Variants in HIVEP3 observed in about 807,000 individuals in gnomAD.
HIVEP3 encodes the protein transcription factor HIVEP3.
Under a neutral mutation model 152.8 loss-of-function variants are expected in HIVEP3, and 49 were observed. That is an observed-to-expected ratio of 0.32 (90% CI 0.26 to 0.41). The LOEUF (loss-of-function observed/expected upper bound fraction) is 0.41. Ranked by LOEUF, HIVEP3 falls within the 10% of genes least tolerant of loss-of-function variation. The pLI is 1.00. For missense variants in HIVEP3, 2,790 were observed against 3,103.3 expected (o/e 0.90, Z 2.40); for synonymous variants, 1,269 against 1,289.0 (o/e 0.98, Z 0.33).
intron 1 of HIVEP3, among the ~76,000 whole-genome samples, chr1:41,915,998 C>T (rs1168740917): frequency 6.6e-6 from 1 of 152,172 alleles, no homozygotes; most frequent in Non-Finnish European, 1.5e-5. Context: ...GCCTTAAAGA[C>T]ATTAGGGAAT....
chr1:41,560,809 T>C (rs1017163113), intron 5 of HIVEP3, among the ~76,000 whole-genome samples: 12 of 152,280 alleles, frequency 7.9e-5, no homozygotes, highest in Admixed American at 3.9e-4. Context: ...GGCATCTCCT[T>C]TGTGCTCCTC....
At chr1:41,694,020 T>C (rs1217611436) in intron 2 of HIVEP3, among the ~76,000 whole-genome samples, 3 of 152,266 alleles carry the variant, frequency 2.0e-5, no homozygotes, top group Non-Finnish European at 4.4e-5. Context: ...ACTGATTTTT[T>C]TTCTAGGCCA....
chr1:41,758,432 A>G (rs1647457890), intron 1 of HIVEP3, among the ~76,000 whole-genome samples: 1 of 152,252 alleles, frequency 6.6e-6, no homozygotes, highest in Non-Finnish European at 1.5e-5. Context: ...ACCAGGGCCT[A>G]TCTTATGCAC....
At chr1:41,526,291 CCTCACACACA>C (rs1469622715) in intron 5 of HIVEP3, among the ~76,000 whole-genome samples, 2 of 144,794 alleles carry the variant, frequency 1.4e-5, no homozygotes, top group Non-Finnish European at 1.5e-5. Flanking sequence ...ACACGCTCAC[CCTCACACACA>C]CTCACCCTCA....
chr1:41,658,908 T>C (rs1645670250), intron 2 of HIVEP3, among the ~76,000 whole-genome samples: 2 of 152,202 alleles, frequency 1.3e-5, no homozygotes. Context: ...TCGAATTCTA[T>C]AACGGTAGAG....
intron 2 of HIVEP3, among the ~76,000 whole-genome samples, chr1:41,678,500 T>A (rs1645990844): frequency 6.7e-6 from 1 of 149,930 alleles, no homozygotes; most frequent in Non-Finnish European, 1.5e-5. Flanking sequence ...AGCAGCCTTG[T>A]CCATTTCCTC....
intron 1 of HIVEP3, among the ~76,000 whole-genome samples, chr1:41,994,534 A>T (rs1196827724): frequency 6.6e-6 from 1 of 152,098 alleles, no homozygotes; most frequent in Non-Finnish European, 1.5e-5. Context: ...GTGATGGTTT[A>T]AAATTGTGTG....
chr1:41,629,518 C>T (rs1016851127), intron 2 of HIVEP3, among the ~76,000 whole-genome samples: 2 of 152,212 alleles, frequency 1.3e-5, no homozygotes, highest in African/African-American at 4.8e-5. Flanking sequence ...TGTCTACAAA[C>T]TGTGCATCCA....
chr1:41,585,752 G>A (rs780392689), intron 3 of HIVEP3, among the ~76,000 whole-genome samples: 5 of 152,148 alleles, frequency 3.3e-5, no homozygotes, highest in African/African-American at 9.7e-5. Flanking sequence ...ACTGTGCCTC[G>A]GAGCTGCAGT....
At chr1:41,568,060 C>G (rs369462525) in intron 5 of HIVEP3, among the ~76,000 whole-genome samples, 23 of 152,352 alleles carry the variant, frequency 1.5e-4, no homozygotes, top group African/African-American at 5.3e-4. Flanking sequence ...AATAGATATT[C>G]CCCAGCACTG....
rs146821415 is a variant in HIVEP3 at position 41,867,148 on chromosome 1, C to T, written c.-801+51265G>A. Among the ~76,000 whole-genome samples the T allele has an allele frequency of 1.2e-4, 19 of 152,248 alleles. No homozygotes were observed. In the East Asian group the frequency reaches 3.7e-3, roughly 29 times the overall value. Reference sequence around the variant, plus strand: ...GAGAGGGGACACTCCAGCAGGAACTCCAGGTAGAGAGCTGTTCTGCAGTGG... The same window carrying T: ...GAGAGGGGACACTCCAGCAGGAACTTCAGGTAGAGAGCTGTTCTGCAGTGG... On this transcript the variant is annotated intron_variant, in intron 1 of 8. Coordinates refer to ENST00000372583, the MANE Select transcript of HIVEP3 (RefSeq NM_024503.5).
rs549717825 is a variant in HIVEP3 at position 41,751,140 on chromosome 1, G to C, written c.-800-50145C>G. Among the ~76,000 whole-genome samples the C allele has an allele frequency of 4.2e-3, 638 of 152,204 alleles. 3 individuals are homozygous for C. Among genetic ancestry groups the C allele is most frequent in the Non-Finnish European group, 6.2e-3 (422 of 68,012 alleles). On this transcript the variant is annotated intron_variant, in intron 1 of 8. Coordinates refer to ENST00000372583, the MANE Select transcript of HIVEP3 (RefSeq NM_024503.5). The stretch of plus-strand genomic sequence containing the variant: ...AAGTCCCTGGTTTCTCTGGGGCTCA[G>C]CATCCTCACTTGTAAAGCAAGATCA...
chr1:41,589,297 A>C (rs1235905343), intron 3 of HIVEP3, among the ~76,000 whole-genome samples: 1 of 152,210 alleles, frequency 6.6e-6, no homozygotes, highest in Non-Finnish European at 1.5e-5. Context: ...TCGCTCAGAG[A>C]CCAGCTTATA....
rs142867132 is a variant in HIVEP3, at chr1:41,750,730, G to A, written c.-800-49735C>T. ...TTTTTTTTTTTTTGACACGCGTCTC[G>A]CTCTGTCGCCCAGGCTGGAGTGCAA... On this transcript the variant is annotated intron_variant, in intron 1 of 8. Coordinates refer to ENST00000372583, the MANE Select transcript of HIVEP3 (RefSeq NM_024503.5). Among the ~76,000 whole-genome samples, 674 of 145,232 alleles carry A rather than the reference G, an allele frequency of 4.6e-3. 6 individuals carry two copies. The highest frequency in any genetic ancestry group is 0.016 in the African/African-American group (619 of 39,594).
intron 2 of HIVEP3, among the ~76,000 whole-genome samples, chr1:41,644,668 T>C (rs936967163): frequency 6.6e-6 from 1 of 151,262 alleles, no homozygotes; most frequent in Non-Finnish European, 1.5e-5. Context: ...AACCCAGGGA[T>C]TTAAAGCACA....
chr1:41,939,196 T>C (rs1408970464), intron 1 of HIVEP3, among the ~76,000 whole-genome samples: 1 of 152,230 alleles, frequency 6.6e-6, no homozygotes, highest in Non-Finnish European at 1.5e-5. Context: ...TATTTTATAA[T>C]GGAAAGTTGA....
rs1643837802 is a variant in HIVEP3 at position 41,547,709 on chromosome 1, C to A, written c.5208-22799G>T. 2.0e-5 allele frequency among the ~76,000 whole-genome samples: 3 copies of A among 152,234 alleles called. No homozygotes were observed. In the South Asian group the frequency reaches 6.2e-4, roughly 31 times the overall value. Reference sequence around the variant, plus strand: ...TTGGGGATTTATTTAAAAAAGCCCACAGAGCATTTATAATTTACAATAATT... The same window carrying A: ...TTGGGGATTTATTTAAAAAAGCCCAAAGAGCATTTATAATTTACAATAATT... On this transcript the variant is annotated intron_variant, in intron 5 of 8. Coordinates refer to ENST00000372583, the MANE Select transcript of HIVEP3 (RefSeq NM_024503.5).
intron 1 of HIVEP3, among the ~76,000 whole-genome samples, chr1:41,736,077 C>T (rs564695036): frequency 6.6e-6 from 1 of 152,186 alleles, no homozygotes; most frequent in Admixed American, 6.5e-5. Flanking sequence ...GCAGCATCTG[C>T]AGCCAGTGCC....
upstream of HIVEP3, among the ~76,000 whole-genome samples, chr1:41,920,577 G>GTTTTTTTTT (rs10708045): frequency 3.2e-5 from 4 of 123,178 alleles, no homozygotes; most frequent in Non-Finnish European, 3.9e-5. Context: ...AAACAAGATG[G>GTTTTTTTTT]TTTTTTTTTT....
Sources: allele counts gnomAD v4.1 joint callset (sites outside exome capture counted in the v4.1 genomes callset), GRCh38; gene constraint gnomAD v4.1.1; transcripts MANE v1.5; gene names NCBI Gene and HGNC (gene_info 2026-07-23, HGNC 2026-07-21).